DDX52: variants seen among roughly 807,000 people sequenced by gnomAD.
DDX52 encodes the protein probable ATP-dependent RNA helicase DDX52.
DDX52 carries 59 observed loss-of-function variants against 76.1 expected under a neutral mutation model. The observed-to-expected ratio is 0.78, with a 90% CI of 0.63 to 0.96. DDX52 has a LOEUF of 0.96. DDX52 is among the 40% of genes least tolerant of loss of function. The pLI is 0.00. For missense variants in DDX52, 707 were observed against 703.9 expected, an observed-to-expected ratio of 1.00 and a Z score of -0.05; for synonymous variants, 231 against 244.1, an observed-to-expected ratio of 0.95 and a Z score of 0.50.
At chr17:37,616,089 C>T (rs991791126) in intron 14 of DDX52, among the ~76,000 whole-genome samples, 1 of 152,196 alleles carries the variant, frequency 6.6e-6, no homozygotes, top group Non-Finnish European at 1.5e-5. Context: ...TAGCCACCAT[C>T]TTATGTTCTA....
At chr17:37,614,458 A>T in intron 14 of DDX52, 105 bp from the exon 15 acceptor site, 1 of 1,096,096 alleles carries the variant, frequency 9.1e-7, no homozygotes, top group Non-Finnish European at 1.3e-6. Context: ...CCTACTGTGT[A>T]TCAAATAATG....
chr17:37,642,439 G>T, intron 1 of DDX52, 131 bp from the exon 2 acceptor site: 1 of 1,034,452 alleles, frequency 9.7e-7, no homozygotes, highest in Non-Finnish European at 1.4e-6. Flanking sequence ...CAGGTGTCTG[G>T]ACAAATGGAA....
At chr17:37,625,805 A>C in intron 8 of DDX52, 90 bp downstream of exon 8, 9 of 1,417,102 alleles carry the variant, frequency 6.4e-6, no homozygotes, top group Non-Finnish European at 8.8e-6. Context: ...TGCTAGTCTC[A>C]GGCCAAGAAA....
intron 2 of DDX52, among the ~76,000 whole-genome samples, chr17:37,641,298 A>T (rs2031186418): frequency 6.6e-6 from 1 of 151,884 alleles, no homozygotes; most frequent in South Asian, 2.1e-4. Context: ...GGTACTTGGG[A>T]GGCTGAGGCA....
At chr17:37,618,504 G>C in intron 13 of DDX52, 120 bp from the exon 14 acceptor site, 1 of 823,562 alleles carries the variant, frequency 1.2e-6, no homozygotes, top group East Asian at 3.3e-5. Flanking sequence ...CCTTTGAGAC[G>C]GAGTTTTGCT....
chr17:37,610,434 T>G lies in DDX52; in HGVS notation c.*3862A>C, dbSNP rs1315068607. 1 of 152,062 alleles carries G rather than the reference T, an allele frequency of 6.6e-6. No individual in the cohort carries two copies. Among genetic ancestry groups the G allele is most frequent in the Admixed American group, 6.6e-5 (1 of 15,266 alleles). The allele number at this position is 152,062 out of a possible 1,614,324, so 9.4% of individuals were successfully genotyped here. On this transcript the variant is annotated 3_prime_UTR_variant, in exon 15 of 15. Transcript: ENST00000617633. ...AGCCACATGCCTGGGCTGTGATTTTTTTTTTTCTTTTAATCAAACTACTGT... is the reference window on the plus strand; with the variant it reads ...AGCCACATGCCTGGGCTGTGATTTTGTTTTTTCTTTTAATCAAACTACTGT...
At chr17:37,632,418 T>A in intron 3 of DDX52, 120 bp from the exon 4 acceptor site, 1 of 1,081,118 alleles carries the variant, frequency 9.2e-7, no homozygotes, top group Non-Finnish European at 1.3e-6. Flanking sequence ...ACTTTTTGGT[T>A]AAATCCAAGA....
intron 6 of DDX52, among the ~76,000 whole-genome samples, chr17:37,628,196 G>A (rs985720358): frequency 6.6e-6 from 1 of 152,164 alleles, no homozygotes; most frequent in Non-Finnish European, 1.5e-5. Context: ...GGGCCACTAA[G>A]TGTTCGTTGC....
At chr17:37,637,975 T>C (rs957787188) in intron 2 of DDX52, among the ~76,000 whole-genome samples, 1 of 152,202 alleles carries the variant, frequency 6.6e-6, no homozygotes, top group Non-Finnish European at 1.5e-5. Flanking sequence ...AGAGCAGAGA[T>C]TTCAAAAGAA....
chr17:37,621,370 G>C (rs775786079), intron 10 of DDX52, 28 bp downstream of exon 10: 1 of 1,599,466 alleles, frequency 6.3e-7, no homozygotes, highest in Non-Finnish European at 8.5e-7. Flanking sequence ...TAGTTCTTCT[G>C]AGTTTCAAAG....
Position 37,642,225 on chromosome 17 carries a change from AC to A in DDX52, c.170del (p.Gly57ValfsTer22). 1 of 1,614,114 alleles carries A rather than the reference AC, an allele frequency of 6.2e-7. No homozygotes were observed. The highest frequency in any genetic ancestry group is 8.5e-7 in the Non-Finnish European group (1 of 1,180,034). On this transcript the variant is annotated frameshift_variant, in exon 2 of 15. Coordinates refer to ENST00000617633, the MANE Select transcript of DDX52 (RefSeq NM_007010.5). LOFTEE classifies it high-confidence loss of function. Reference sequence around the variant, plus strand: ...GATGTGTTTGTGATGCTCCACACACACCTGGGACAGACTTCTTGTTTCCAAA... The same window carrying A: ...GATGTGTTTGTGATGCTCCACACACACTGGGACAGACTTCTTGTTTCCAAA... ...DFFGNKKSVP[G>X]VCGASQTHQK...
rs777998286 is a variant in DDX52, at chr17:37,632,193, G to A, written c.523C>T (p.Arg175Ter). 14 of 1,613,710 alleles carry A rather than the reference G, an allele frequency of 8.7e-6. No individual in the cohort carries two copies. Among genetic ancestry groups the A allele is most frequent in the Middle Eastern group, 1.6e-4 (1 of 6,084 alleles). Residue 175 changes from arginine (R) to a stop codon, truncating the protein, a stop_gained, in exon 4 of 15, where the codon CGA becomes TGA. Transcript: ENST00000617633. LOFTEE classifies it high-confidence loss of function. Reference sequence around the variant, plus strand: ...GCATCTAGAATGTTCTGAAGTAGTCGAGAATTGATTTTATATTCCTGGTCA... The same window carrying A: ...GCATCTAGAATGTTCTGAAGTAGTCAAGAATTGATTTTATATTCCTGGTCA... ...QLDQEYKINS[R>*]LLQNILDAGF... is the part of the protein sequence containing the mutation.
intron 9 of DDX52, among the ~76,000 whole-genome samples, chr17:37,623,609 C>G (rs1216773514): frequency 6.6e-6 from 1 of 152,124 alleles, no homozygotes; most frequent in African/African-American, 2.4e-5. Context: ...AAGCTGCTCC[C>G]CCAGCCGTCA....
At chr17:37,625,655 G>GA (rs1452567920) in intron 8 of DDX52, among the ~76,000 whole-genome samples, 2 of 151,750 alleles carry the variant, frequency 1.3e-5, no homozygotes, top group South Asian at 2.1e-4. Flanking sequence ...TCTGTGGATG[G>GA]AAAAAAACAC....
At chr17:37,615,411 C>T (rs1470193522) in intron 14 of DDX52, among the ~76,000 whole-genome samples, 1 of 152,170 alleles carries the variant, frequency 6.6e-6, no homozygotes, top group East Asian at 1.9e-4. Flanking sequence ...GGTGCAGTGG[C>T]TCATGCCTGT....
At position 37,643,395 on chromosome 17, in the gene DDX52, C is replaced by T; in HGVS notation, c.26G>A (p.Arg9Gln). The change falls in exon 1 of 15, where the codon CGG (arginine) becomes CAG (glutamine). Residue 9 changes from arginine to glutamine, a missense_variant. By Grantham distance (43) the Arg-to-Gln change is conservative. Transcript: ENST00000617633. ...GTCGAATTTGGCCCCCGCGCCGAGC[C>T]GGCGAAAGAGATCGTGGACGTCCAT... MDVHDLFR[R>Q]LGAGAKFDTR... 3 of 1,613,996 alleles carry T rather than the reference C, an allele frequency of 1.9e-6. No homozygotes were observed. Among genetic ancestry groups the T allele is most frequent in the Non-Finnish European group, 2.5e-6 (3 of 1,179,922 alleles).
chr17:37,630,103 A>G lies in DDX52; in HGVS notation c.674T>C (p.Met225Thr). ...TTTATTTGCGGGTTGTTTCAGCTGC[A>G]TTAAAATAGGAATGCTAAAAGCTAA... ...KTLAFSIPIL[M>T]QLKQPANKGF... The change falls in exon 5 of 15, where the codon ATG becomes ACG. Residue 225 changes from methionine to threonine, a missense_variant. Transcript: ENST00000617633. The G allele has an allele frequency of 6.2e-7, 1 of 1,614,126 alleles. No individual in the cohort carries two copies. Among genetic ancestry groups the G allele is most frequent in the Non-Finnish European group, 8.5e-7 (1 of 1,180,020 alleles).
Position 37,643,334 on chromosome 17 carries a change from C to A in DDX52, c.87G>T (p.Gln29His). The A allele has an allele frequency of 6.2e-7, 1 of 1,613,746 alleles. No homozygotes were observed. Among genetic ancestry groups the A allele is most frequent in the Non-Finnish European group, 8.5e-7 (1 of 1,179,726 alleles). The change falls in exon 1 of 15, where the codon CAG becomes CAT. Residue 29 changes from glutamine (Q) to histidine (H), a missense_variant and splice_region_variant. Coordinates refer to ENST00000617633, the MANE Select transcript of DDX52 (RefSeq NM_007010.5). ...GCCCTCGGTCCCTTGGGCACAGTAC[C>A]TGGAATCGAGCTGCGTCTGCCGAGA... ...RRFSADAARF[Q>H]IGKRKYDFDS... is the part of the protein sequence containing the mutation.
intron 2 of DDX52, among the ~76,000 whole-genome samples, chr17:37,637,159 T>C (rs997391204): frequency 6.6e-6 from 1 of 152,098 alleles, no homozygotes; most frequent in African/African-American, 2.4e-5. Flanking sequence ...GGAGTCTTAC[T>C]GTGTCACCCA....
Sources: gnomAD v4.1 joint callset for allele counts (sites outside exome capture counted in the v4.1 genomes callset) on GRCh38, gnomAD v4.1.1 for gene constraint, MANE v1.5 for transcripts, NCBI Gene and HGNC (gene_info 2026-07-23, HGNC 2026-07-21) for gene names.